NECTIN1: variants seen among roughly 807,000 people sequenced by gnomAD.
The protein encoded by NECTIN1 is nectin-1.
In NECTIN1, 23 loss-of-function variants were observed where a neutral mutation model predicts 48.0. The ratio of observed to expected loss-of-function variants is 0.48; its 90% CI spans 0.34 to 0.68. The LOEUF (loss-of-function observed/expected upper bound fraction) is 0.68. NECTIN1 is among the 30% of genes least tolerant of loss of function. NECTIN1 has a pLI of 0.01. For synonymous variants in NECTIN1, 270 were observed against 288.9 expected, an observed-to-expected ratio of 0.93 and a Z score of 0.66; for missense variants, 591 against 709.9, an observed-to-expected ratio of 0.83 and a Z score of 1.90.
intron 1 of NECTIN1, among the ~76,000 whole-genome samples, chr11:119,695,893 G>A (rs191378328): frequency 3.1e-4 from 47 of 152,330 alleles, no homozygotes; most frequent in African/African-American, 9.9e-4. Flanking sequence ...TAATCAAGAG[G>A]AAGGTGCTAC....
At chr11:119,675,363 G>A in intron 4 of NECTIN1, 53 bp from the exon 5 acceptor site, 1 of 1,611,146 alleles carries the variant, frequency 6.2e-7, no homozygotes, top group Admixed American at 1.7e-5. Context: ...GCCTCAAGAA[G>A]CTGTTCCTGG....
At chr11:119,653,572 C>T (rs11217375) in intron 5 of NECTIN1, among the ~76,000 whole-genome samples, 227 of 152,298 alleles carry the variant, frequency 1.5e-3, no homozygotes, top group African/African-American at 5.2e-3. Context: ...AGGAGTGGTG[C>T]GCACCACGTA....
chr11:119,722,834 G>T (rs1319893561), intron 1 of NECTIN1, among the ~76,000 whole-genome samples: 2 of 152,250 alleles, frequency 1.3e-5, no homozygotes, highest in African/African-American at 4.8e-5. Context: ...AGGCATAGGG[G>T]ATAGAAGTTC....
intron 5 of NECTIN1, among the ~76,000 whole-genome samples, chr11:119,649,176 C>T (rs1055188701): frequency 3.3e-5 from 5 of 152,140 alleles, no homozygotes; most frequent in Non-Finnish European, 7.4e-5. Flanking sequence ...GTCAAGAGAT[C>T]GAGACTATCC....
chr11:119,672,355 T>C lies in NECTIN1; in HGVS notation c.1003+2804A>G, dbSNP rs1864872314. ...GCTGCACCCTGGGCCTCTCCCCACC[T>C]TGTCATTACCCCAGAGGGAGAAGGG... On this transcript the variant is annotated intron_variant, in intron 5 of 5. Transcript: ENST00000264025. The surrounding 1 kb of genome is among the most constrained non-coding windows in gnomAD (Gnocchi z 4.3). Among the ~76,000 whole-genome samples, 1 of 152,126 alleles carries C rather than the reference T, an allele frequency of 6.6e-6. No individual in the cohort carries two copies. Among genetic ancestry groups the C allele is most frequent in the South Asian group, 2.1e-4 (1 of 4,824 alleles).
Position 119,696,820 on chromosome 11 carries a change from T to C in NECTIN1, c.80-18055A>G, listed in dbSNP as rs1160907223. On this transcript the variant is annotated intron_variant, in intron 1 of 5. Transcript: ENST00000264025. ...CCGGAAAGCAGGACTGCAGGCGGCA[T>C]AGGGGCGGATGGGGCGAGGCTGGAA... is the stretch of plus-strand genomic sequence containing the variant. 3.9e-5 allele frequency among the ~76,000 whole-genome samples: 6 copies of C among 152,126 alleles called. No homozygotes were observed. In the East Asian group the frequency reaches 1.2e-3, roughly 29 times the overall value.
At chr11:119,692,875 G>GA (rs1428826653) in intron 1 of NECTIN1, among the ~76,000 whole-genome samples, 1 of 152,178 alleles carries the variant, frequency 6.6e-6, no homozygotes, top group Non-Finnish European at 1.5e-5. Context: ...CCTTCCTGGG[G>GA]AAAAGAGCGG....
Position 119,665,542 on chromosome 11 carries a change from A to T in NECTIN1, c.1004-245T>A, listed in dbSNP as rs2135543336. On this transcript the variant is annotated intron_variant, in intron 5 of 5. Transcript: ENST00000264025. The surrounding 1 kb of genome is among the most constrained non-coding windows in gnomAD (Gnocchi z 5.1). Reference sequence around the variant, plus strand: ...GGCAGAGGGCAGTACCCACAGCACCAGGGTCTTCCATCCCCACTGTCCTTG... The same window carrying T: ...GGCAGAGGGCAGTACCCACAGCACCTGGGTCTTCCATCCCCACTGTCCTTG... Among the ~76,000 whole-genome samples the T allele has an allele frequency of 6.6e-6, 1 of 152,266 alleles. No homozygotes were observed. The highest frequency in any genetic ancestry group is 6.5e-5 in the Admixed American group (1 of 15,302).
rs540186697 is a variant in NECTIN1 at position 119,661,582 on chromosome 11, A to T, written c.*3165T>A. On this transcript the variant is annotated 3_prime_UTR_variant, in exon 6 of 6. Transcript: ENST00000264025. Reference sequence around the variant, plus strand: ...CATCCGTGTCTGCTTGGCTCAGCAGAGCTGCCCACACCCACCTAACACAAT... The same window carrying T: ...CATCCGTGTCTGCTTGGCTCAGCAGTGCTGCCCACACCCACCTAACACAAT... 2.8e-5 allele frequency: 28 copies of T among 985,840 alleles called. No homozygotes were observed. In the African/African-American group the frequency reaches 4.9e-4, roughly 17 times the overall value. The allele number at this position is 985,840 out of a possible 1,614,324, so 61.1% of individuals were successfully genotyped here.
Position 119,661,696 on chromosome 11 carries a change from C to T in NECTIN1, c.*3051G>A. The T allele has an allele frequency of 2.0e-6, 2 of 985,886 alleles. No homozygotes were observed. The highest frequency in any genetic ancestry group is 9.4e-5 in the South Asian group (2 of 21,288). 61.1% of individuals were successfully genotyped at this position (985,886 alleles called of 1,614,324 possible). A position where few individuals can be genotyped will look rare whatever the true frequency, so the allele number is the denominator to read the frequency against. The stretch of plus-strand genomic sequence containing the variant: ...GGTTGGCTGGCAGAGGAAGCGCATG[C>T]CCAGGAAACAGGGCCCCTATAAGGC... On this transcript the variant is annotated 3_prime_UTR_variant, in exon 6 of 6. Coordinates refer to ENST00000264025, the MANE Select transcript of NECTIN1 (RefSeq NM_002855.5).
chr11:119,705,465 A>G (rs1865531206), intron 1 of NECTIN1, among the ~76,000 whole-genome samples: 1 of 152,242 alleles, frequency 6.6e-6, no homozygotes, highest in Non-Finnish European at 1.5e-5. Flanking sequence ...ACATTTGAGC[A>G]AAGAAAAAAA....
chr11:119,650,076 T>TG, intron 5 of NECTIN1, among the ~76,000 whole-genome samples: 1 of 146,750 alleles, frequency 6.8e-6, no homozygotes, highest in East Asian at 2.1e-4. Flanking sequence ...GGTTGTTATC[T>TG]GGCGGGCAAG....
Position 119,677,953 on chromosome 11 carries a change from A to C in NECTIN1, c.431-96T>G. ...GTGGCATCCGTCAGGCCTTGTCTTC[A>C]GGTCCCCTTGGCCATCCCTGCCTCT... On this transcript the variant is annotated intron_variant, in intron 2 of 5. Transcript: ENST00000264025. The surrounding 1 kb of genome is among the most constrained non-coding windows in gnomAD (Gnocchi z 5.4). The C allele has an allele frequency of 7.7e-7, 1 of 1,293,208 alleles. No individual in the cohort carries two copies. The allele number at this position is 1,293,208 out of a possible 1,614,324, so 80.1% of individuals were successfully genotyped here.
At chr11:119,721,732 C>T (rs933762344) in intron 1 of NECTIN1, among the ~76,000 whole-genome samples, 1 of 152,234 alleles carries the variant, frequency 6.6e-6, no homozygotes, top group Non-Finnish European at 1.5e-5. Flanking sequence ...CCTGCCTGTG[C>T]CCCAGGGCTC....
chr11:119,665,204 A>G lies in NECTIN1; in HGVS notation c.1097T>C (p.Leu366Pro), dbSNP rs1864743775. 1 of 1,607,424 alleles carries G rather than the reference A, an allele frequency of 6.2e-7. No homozygotes were observed. The highest frequency in any genetic ancestry group is 1.3e-5 in the African/African-American group (1 of 75,028). The change falls in exon 6 of 6, where the codon CTG becomes CCG. Residue 366 changes from leucine (L) to proline (P), a missense_variant. Transcript: ENST00000264025. The surrounding 1 kb of genome is among the most constrained non-coding windows in gnomAD (Gnocchi z 5.1). Reference protein sequence around the residue: ...IIGGVAGSILLVLIVVGGIVV... With the variant: ...IIGGVAGSILPVLIVVGGIVV... Reference sequence around the variant, plus strand: ...GATCCCGCCGACCACAATCAACACCAGCAGGATGCTCCCCGCCACGCCCCC... The same window carrying G: ...GATCCCGCCGACCACAATCAACACCGGCAGGATGCTCCCCGCCACGCCCCC...
At chr11:119,650,822 T>C (rs1224799953) in intron 5 of NECTIN1, among the ~76,000 whole-genome samples, 1 of 152,166 alleles carries the variant, frequency 6.6e-6, no homozygotes, top group African/African-American at 2.4e-5. Flanking sequence ...TTCAATGTTA[T>C]AAAGTATGTT....
intron 1 of NECTIN1, among the ~76,000 whole-genome samples, chr11:119,690,410 G>T (rs1865233073): frequency 6.6e-6 from 1 of 152,258 alleles, no homozygotes; most frequent in Admixed American, 6.5e-5. Flanking sequence ...CCGAGCTGGG[G>T]GGTGGCAGTC....
chr11:119,639,301 G>C (rs1864286727), intron 6 of NECTIN1, among the ~76,000 whole-genome samples: 2 of 152,100 alleles, frequency 1.3e-5, no homozygotes, highest in African/African-American at 2.4e-5. Flanking sequence ...TGGTGTGCTG[G>C]GTGTCTGATG....
chr11:119,638,784 T>C (rs760469007), exon 7 of NECTIN1: 1 of 1,613,970 alleles, frequency 6.2e-7, no homozygotes, highest in South Asian at 1.1e-5. Flanking sequence ...GGCTCCGGCT[T>C]CTGGGAGAGG....
Sources: allele counts gnomAD v4.1 joint callset (sites outside exome capture counted in the v4.1 genomes callset), GRCh38; gene constraint gnomAD v4.1.1; non-coding constraint Gnocchi (gnomAD v3.1); transcripts MANE v1.5; gene names NCBI Gene and HGNC (gene_info 2026-07-23, HGNC 2026-07-21).